LAMC1: variants seen among roughly 807,000 people sequenced by gnomAD.
LAMC1 encodes the protein laminin subunit gamma 1.
Under a neutral mutation model 173.6 loss-of-function variants are expected in LAMC1, and 38 were observed. That is an observed-to-expected ratio of 0.22 (90% CI 0.17 to 0.29). LAMC1 has a LOEUF of 0.29. Among genes scored for constraint, LAMC1 ranks in the 10% least tolerant of loss-of-function variants. The pLI is 1.00. For synonymous variants in LAMC1, 746 were observed against 749.1 expected, an observed-to-expected ratio of 1.00 and a Z score of 0.07; for missense variants, 1,824 against 2,051.8, an observed-to-expected ratio of 0.89 and a Z score of 2.14.
chr1:183,078,874 G>T (rs1440548735), intron 1 of LAMC1, among the ~76,000 whole-genome samples: 1 of 152,082 alleles, frequency 6.6e-6, no homozygotes, highest in Non-Finnish European at 1.5e-5. Flanking sequence ...TTAGCTGGGC[G>T]TGGTGGTGCA....
At chr1:183,133,004 G>A (rs540154313) in intron 21 of LAMC1, among the ~76,000 whole-genome samples, 55 of 152,116 alleles carry the variant, frequency 3.6e-4, no homozygotes, top group South Asian at 2.1e-3. Flanking sequence ...TCTGCCTCCC[G>A]GGTTCAAGCG....
chr1:183,129,625 A>C (rs1453676695), intron 18 of LAMC1, among the ~76,000 whole-genome samples: 2 of 151,860 alleles, frequency 1.3e-5, no homozygotes, highest in African/African-American at 4.8e-5. Context: ...TGATGCTGAA[A>C]TATGAATTGG....
chr1:183,087,822 T>C (rs1257907499), intron 1 of LAMC1, among the ~76,000 whole-genome samples: 1 of 151,970 alleles, frequency 6.6e-6, no homozygotes, highest in Non-Finnish European at 1.5e-5. Context: ...CTTTCCTTTT[T>C]TTTTTTTTGA....
chr1:183,023,551 C>A lies in LAMC1; in HGVS notation c.-166C>A. ...GCAGCGCGGTCCTCGCTAGGGGCGCCCACCCGTCAGTCTCTCCGGCGCGAG... is the reference window on the plus strand; with the variant it reads ...GCAGCGCGGTCCTCGCTAGGGGCGCACACCCGTCAGTCTCTCCGGCGCGAG... On this transcript the variant is annotated 5_prime_UTR_variant, in exon 1 of 28. Coordinates refer to ENST00000258341, the MANE Select transcript of LAMC1 (RefSeq NM_002293.4). 2.8e-6 allele frequency: 1 copy of A among 353,630 alleles called. No individual in the cohort carries two copies. The highest frequency in any genetic ancestry group is 1.3e-4 in the South Asian group (1 of 7,752). 21.9% of individuals were successfully genotyped at this position (353,630 alleles called of 1,614,324 possible).
At chr1:183,082,092 A>G (rs1483180312) in intron 1 of LAMC1, among the ~76,000 whole-genome samples, 4 of 152,236 alleles carry the variant, frequency 2.6e-5, no homozygotes, top group Admixed American at 6.5e-5. Flanking sequence ...ATCACTGGAT[A>G]ATATTCCATT....
At chr1:183,045,919 T>C (rs186220673) in intron 1 of LAMC1, among the ~76,000 whole-genome samples, 5 of 152,152 alleles carry the variant, frequency 3.3e-5, no homozygotes, top group Admixed American at 2.6e-4. Context: ...GTCTTTCATA[T>C]TTCCTCTCCG....
chr1:183,144,645 A>G lies in LAMC1; in HGVS notation c.*1855A>G, dbSNP rs1164844831. The G allele has an allele frequency of 6.6e-6, 1 of 152,182 alleles. No homozygotes were observed. The highest frequency in any genetic ancestry group is 1.5e-5 in the Non-Finnish European group (1 of 68,040). 9.4% of individuals were successfully genotyped at this position (152,182 alleles called of 1,614,324 possible). A position where few individuals can be genotyped will look rare whatever the true frequency, so the allele number is the denominator to read the frequency against. The stretch of plus-strand genomic sequence containing the variant: ...AGCAGGAACGCCAGGTTGACAAGCT[A>G]TGGTAGGATTAGGAAAGTTTGCTGA... On this transcript the variant is annotated 3_prime_UTR_variant, in exon 28 of 28. Coordinates refer to ENST00000258341, the MANE Select transcript of LAMC1 (RefSeq NM_002293.4).
At chr1:183,105,966 A>G (rs965021998) in intron 2 of LAMC1, among the ~76,000 whole-genome samples, 3 of 152,234 alleles carry the variant, frequency 2.0e-5, no homozygotes, top group African/African-American at 7.2e-5. Context: ...TTACTATAGC[A>G]TACTATAATG....
At chr1:183,108,622 TAAGC>T (rs1165562676) in intron 3 of LAMC1, among the ~76,000 whole-genome samples, 4 of 152,242 alleles carry the variant, frequency 2.6e-5, no homozygotes, top group African/African-American at 9.6e-5. Context: ...TTCTGGAAAC[TAAGC>T]ATGTAGGTTT....
At chr1:183,028,626 T>C (rs5022057) in intron 1 of LAMC1, among the ~76,000 whole-genome samples, 75,823 of 152,116 alleles carry the variant, frequency 0.5, 19,608 homozygotes, top group South Asian at 0.64. Flanking sequence ...TTGCAGCTTC[T>C]CTAACGAGTC....
At chr1:183,117,976 T>C (rs1656368497) in intron 10 of LAMC1, 58 bp from the exon 11 acceptor site, 1 of 1,012,046 alleles carries the variant, frequency 9.9e-7, no homozygotes, top group African/African-American at 1.6e-5. Flanking sequence ...AAGAAATATT[T>C]CCCCAACATC....
At chr1:183,031,247 G>A (rs1028342642) in intron 1 of LAMC1, among the ~76,000 whole-genome samples, 36 of 152,310 alleles carry the variant, frequency 2.4e-4, no homozygotes, top group African/African-American at 7.7e-4. Flanking sequence ...TGGTTAGGCC[G>A]ATGAGCAGTA....
intron 26 of LAMC1, among the ~76,000 whole-genome samples, chr1:183,140,154 T>G (rs1418356944): frequency 6.7e-6 from 1 of 148,484 alleles, no homozygotes; most frequent in African/African-American, 2.5e-5. Context: ...TATAGTGAGT[T>G]AGTGAGTGTA....
At chr1:183,102,264 G>A (rs1345132383) in intron 1 of LAMC1, among the ~76,000 whole-genome samples, 2 of 152,210 alleles carry the variant, frequency 1.3e-5, no homozygotes, top group Non-Finnish European at 1.5e-5. Flanking sequence ...TGTGGGTTTT[G>A]TAGGAGAGGG....
In LAMC1 at chr1:183,023,687, T is replaced by C. The variant is rs935146282; in HGVS notation, c.-30T>C. Reference sequence around the variant, plus strand: ...AGAGGAACGCGCCGGTGCCCTTGCCTTCGCCGTGACCCAGCGTGCGGGCGG... The same window carrying C: ...AGAGGAACGCGCCGGTGCCCTTGCCCTCGCCGTGACCCAGCGTGCGGGCGG... On this transcript the variant is annotated 5_prime_UTR_variant, in exon 1 of 28. Coordinates refer to ENST00000258341, the MANE Select transcript of LAMC1 (RefSeq NM_002293.4). The C allele has an allele frequency of 8.6e-7, 1 of 1,163,262 alleles. No individual in the cohort carries two copies. The highest frequency in any genetic ancestry group is 1.1e-6 in the Non-Finnish European group (1 of 941,784). The allele number at this position is 1,163,262 out of a possible 1,614,324, so 72.1% of individuals were successfully genotyped here.
intron 1 of LAMC1, among the ~76,000 whole-genome samples, chr1:183,032,003 G>A (rs923220890): frequency 1.3e-5 from 2 of 152,118 alleles, no homozygotes; most frequent in East Asian, 1.9e-4. Context: ...GTGATATAAA[G>A]TTAGGTGTTT....
intron 2 of LAMC1, among the ~76,000 whole-genome samples, chr1:183,105,224 C>CA (rs35512159): frequency 0.067 from 2,852 of 42,614 alleles, 193 homozygotes; most frequent in African/African-American, 0.11. Context: ...GACTCCATCT[C>CA]AAAAAAAAAA....
chr1:183,084,736 C>T (rs1655381302), intron 1 of LAMC1, among the ~76,000 whole-genome samples: 1 of 152,128 alleles, frequency 6.6e-6, no homozygotes, highest in Non-Finnish European at 1.5e-5. Context: ...TTAAATTCTC[C>T]GTGGTTTCCT....
rs1657156254 is a variant in LAMC1 at position 183,142,949 on chromosome 1, A to C, written c.*159A>C. ...GGAAAAGTCACAGAGTTTAAAGAGA[A>C]GCAAATTAAACATCCTGAATCGGGA... On this transcript the variant is annotated 3_prime_UTR_variant, in exon 28 of 28. Transcript: ENST00000258341. The C allele has an allele frequency of 1.4e-6, 1 of 712,240 alleles. No individual in the cohort carries two copies. The highest frequency in any genetic ancestry group is 1.8e-5 in the African/African-American group (1 of 55,810). The allele number at this position is 712,240 out of a possible 1,614,324, so 44.1% of individuals were successfully genotyped here.
Sources: gnomAD v4.1 joint callset for allele counts (sites outside exome capture counted in the v4.1 genomes callset) on GRCh38, gnomAD v4.1.1 for gene constraint, MANE v1.5 for transcripts, NCBI Gene and HGNC (gene_info 2026-07-23, HGNC 2026-07-21) for gene names.